The following KCNIP4 variants were observed in gnomAD, a reference collection of about 807,000 sequenced individuals.
The protein encoded by KCNIP4 is potassium voltage-gated channel interacting protein 4, also known as Kv channel-interacting protein 4.
KCNIP4 carries 12 observed loss-of-function variants against 34.0 expected under a neutral mutation model. That is an observed-to-expected ratio of 0.35 (90% CI 0.23 to 0.57). KCNIP4 has a LOEUF of 0.57. Ranked by LOEUF, KCNIP4 falls within the 20% of genes least tolerant of loss-of-function variation. The pLI, the probability that KCNIP4 is intolerant of heterozygous loss-of-function variation, is 0.83. For synonymous variants in KCNIP4, 124 were observed against 102.2 expected, an observed-to-expected ratio of 1.21 and a Z score of -1.29; for missense variants, 238 against 311.7, an observed-to-expected ratio of 0.76 and a Z score of 1.78.
At chr4:20,920,912 C>T (rs572825823) in intron 1 of KCNIP4, among the ~76,000 whole-genome samples, 1 of 152,138 alleles carries the variant, frequency 6.6e-6, no homozygotes, top group East Asian at 1.9e-4. Flanking sequence ...TTGCTTGAAC[C>T]CGGGAGGTGG....
intron 1 of KCNIP4, among the ~76,000 whole-genome samples, chr4:21,234,112 ATATTATATATAACATATATAACG>A: frequency 9.1e-6 from 1 of 109,526 alleles, no homozygotes; most frequent in Non-Finnish European, 1.6e-5. Context: ...TATATAACGT[ATATTATATATAACATATATAACG>A]TATATTATAT....
chr4:21,545,166 G>A (rs1738032422), intron 1 of KCNIP4, among the ~76,000 whole-genome samples: 1 of 152,048 alleles, frequency 6.6e-6, no homozygotes. Flanking sequence ...ACACTCCCAT[G>A]ACAGTTTACA....
intron 1 of KCNIP4, among the ~76,000 whole-genome samples, chr4:21,426,894 T>A (rs999960797): frequency 8.7e-6 from 1 of 114,716 alleles, no homozygotes; most frequent in Non-Finnish European, 1.9e-5. Context: ...AGCATGTCAC[T>A]TTTTTAACTT....
intron 1 of KCNIP4, among the ~76,000 whole-genome samples, chr4:21,411,795 G>A (rs1249211810): frequency 6.6e-6 from 1 of 152,162 alleles, no homozygotes; most frequent in African/African-American, 2.4e-5. Context: ...CCGTGACCAT[G>A]CCACTACACT....
At chr4:21,218,568 A>G (rs576681916) in intron 1 of KCNIP4, among the ~76,000 whole-genome samples, 1 of 152,306 alleles carries the variant, frequency 6.6e-6, no homozygotes, top group East Asian at 1.9e-4. Flanking sequence ...CCCTAATGTA[A>G]AACACACATT....
intron 1 of KCNIP4, among the ~76,000 whole-genome samples, chr4:21,407,892 T>C (rs1352344524): frequency 6.6e-6 from 1 of 152,156 alleles, no homozygotes; most frequent in Non-Finnish European, 1.5e-5. Flanking sequence ...TATACAGATA[T>C]AGGCTATCAG....
At chr4:21,232,985 G>A (rs1178208315) in intron 1 of KCNIP4, among the ~76,000 whole-genome samples, 1 of 152,014 alleles carries the variant, frequency 6.6e-6, no homozygotes, top group African/African-American at 2.4e-5. Context: ...GGAATTTGAA[G>A]GATGATGAAA....
At chr4:21,800,562 G>T (rs1720923853) in intron 1 of KCNIP4, among the ~76,000 whole-genome samples, 1 of 152,088 alleles carries the variant, frequency 6.6e-6, no homozygotes, top group Non-Finnish European at 1.5e-5. Flanking sequence ...ACAGTCAAAA[G>T]AAGCAAGTGA....
intron 1 of KCNIP4, among the ~76,000 whole-genome samples, chr4:21,242,021 A>C (rs961451162): frequency 6.6e-6 from 1 of 151,828 alleles, no homozygotes; most frequent in Non-Finnish European, 1.5e-5. Context: ...AAAATTAGCC[A>C]GGCGTGGTGG....
At chr4:20,916,983 G>GC (rs376662533) in intron 1 of KCNIP4, among the ~76,000 whole-genome samples, 48,265 of 71,836 alleles carry the variant, frequency 0.67, 15,733 homozygotes, top group East Asian at 0.8. Context: ...ACCATCTTAT[G>GC]TTTATATATA....
chr4:20,830,770 A>G (rs945535271), intron 3 of KCNIP4, among the ~76,000 whole-genome samples: 1 of 152,182 alleles, frequency 6.6e-6, no homozygotes, highest in Non-Finnish European at 1.5e-5. Flanking sequence ...TCCATCTCCC[A>G]AGTGCTTATT....
intron 1 of KCNIP4, among the ~76,000 whole-genome samples, chr4:21,192,949 C>CTAATAATAATAA (rs59595411): frequency 2.1e-5 from 3 of 144,588 alleles, no homozygotes; most frequent in African/African-American, 7.8e-5. Flanking sequence ...ACTACTACTA[C>CTAATAATAATAA]TACTAATAAT....
chr4:21,758,321 G>C (rs890569433), intron 1 of KCNIP4, among the ~76,000 whole-genome samples: 2 of 152,180 alleles, frequency 1.3e-5, no homozygotes, highest in Admixed American at 6.5e-5. Flanking sequence ...AAAATAATGT[G>C]AATAGAGTAA....
chr4:20,741,336 G>A (rs1751045658), intron 5 of KCNIP4, among the ~76,000 whole-genome samples: 4 of 152,140 alleles, frequency 2.6e-5, no homozygotes, highest in Admixed American at 2.0e-4. Context: ...GCACTCCTCA[G>A]CAAATGTAAA....
At chr4:20,997,193 G>A (rs1046137958) in intron 1 of KCNIP4, among the ~76,000 whole-genome samples, 1 of 152,124 alleles carries the variant, frequency 6.6e-6, no homozygotes, top group Admixed American at 6.6e-5. Flanking sequence ...TCTGGTAATA[G>A]CGCAAATAAA....
At chr4:21,168,867 G>A (rs1294650048) in intron 1 of KCNIP4, among the ~76,000 whole-genome samples, 1 of 152,214 alleles carries the variant, frequency 6.6e-6, no homozygotes, top group Non-Finnish European at 1.5e-5. Context: ...GGAGTCCTCT[G>A]GTGTAGCTCA....
At chr4:21,678,141 C>T (rs1750053044) in intron 1 of KCNIP4, among the ~76,000 whole-genome samples, 1 of 152,052 alleles carries the variant, frequency 6.6e-6, no homozygotes, top group African/African-American at 2.4e-5. Flanking sequence ...GCTTTGTGGG[C>T]CAGACAGTTT....
intron 1 of KCNIP4, among the ~76,000 whole-genome samples, chr4:21,213,547 C>T (rs1356366880): frequency 6.6e-6 from 1 of 152,092 alleles, no homozygotes; most frequent in Non-Finnish European, 1.5e-5. Context: ...GGTGATCCAC[C>T]TGCCTTGCCC....
chr4:21,329,586 G>A (rs1442094375), intron 1 of KCNIP4, among the ~76,000 whole-genome samples: 3 of 152,100 alleles, frequency 2.0e-5, no homozygotes, highest in African/African-American at 7.2e-5. Flanking sequence ...TACAGAGAAC[G>A]GTATATGGTG....
Sources: allele counts gnomAD v4.1 joint callset (sites outside exome capture counted in the v4.1 genomes callset), GRCh38; gene constraint gnomAD v4.1.1; transcripts MANE v1.5; gene names NCBI Gene and HGNC (gene_info 2026-07-23, HGNC 2026-07-21).